Variants in PCCB observed in about 807,000 individuals in gnomAD.
PCCB encodes propionyl-CoA carboxylase beta chain, mitochondrial.
A neutral mutation model predicts 60.7 loss-of-function variants in PCCB; 43 were observed. The observed-to-expected ratio is 0.71, with a 90% CI of 0.55 to 0.91. The LOEUF is 0.91. Ranked by LOEUF, PCCB falls within the 40% of genes least tolerant of loss-of-function variation. The pLI, the probability that PCCB is intolerant of heterozygous loss-of-function variation, is 0.00. For synonymous variants in PCCB, 276 were observed against 255.9 expected (o/e 1.08, Z -0.75); for missense variants, 766 against 702.8 (o/e 1.09, Z -1.02).
At chr3:136,299,931 T>G (rs1934178171) in intron 8 of PCCB, among the ~76,000 whole-genome samples, 1 of 151,960 alleles carries the variant, frequency 6.6e-6, no homozygotes, top group African/African-American at 2.4e-5. Context: ...TGCATATGTA[T>G]ATGTATACGC....
At chr3:136,255,704 C>T (rs1406365291) in intron 1 of PCCB, 152 bp from the exon 2 acceptor site, 1 of 736,632 alleles carries the variant, frequency 1.4e-6, no homozygotes, top group Non-Finnish European at 2.5e-6. Context: ...ACTAATAACA[C>T]CTATCTGCCT....
intron 9 of PCCB, among the ~76,000 whole-genome samples, chr3:136,304,527 A>G (rs1934393162): frequency 8.5e-6 from 1 of 117,848 alleles, no homozygotes; most frequent in African/African-American, 2.6e-5. Context: ...GACTACAGGC[A>G]CCCACCACCA....
chr3:136,268,091 T>G (rs1301970012), intron 5 of PCCB, among the ~76,000 whole-genome samples: 1,531 of 49,614 alleles, frequency 0.031, 32 homozygotes, highest in Middle Eastern at 0.075. Context: ...TGTGTAGATA[T>G]ATATATATAT....
At chr3:136,273,586 T>C in intron 5 of PCCB, among the ~76,000 whole-genome samples, 1 of 133,770 alleles carries the variant, frequency 7.5e-6, no homozygotes, top group Non-Finnish European at 1.6e-5. Context: ...TTCTTTTTTT[T>C]TTTCTTTTTT....
chr3:136,275,555 G>C (rs1490162178), intron 5 of PCCB, among the ~76,000 whole-genome samples: 1 of 151,966 alleles, frequency 6.6e-6, no homozygotes, highest in Non-Finnish European at 1.5e-5. Context: ...TTTGTGTAGA[G>C]TATTTCTTCT....
chr3:136,267,944 CTTT>C (rs1190834904), intron 5 of PCCB, among the ~76,000 whole-genome samples: 1 of 103,458 alleles, frequency 9.7e-6, no homozygotes, highest in Non-Finnish European at 2.0e-5. Flanking sequence ...AGGTTTGGCT[CTTT>C]TTTTTTTTTT....
chr3:136,327,292 C>CT (rs1560033991), intron 12 of PCCB, 37 bp downstream of exon 12: 8 of 1,505,994 alleles, frequency 5.3e-6, no homozygotes, highest in Non-Finnish European at 7.4e-6. Flanking sequence ...ACCCTGCTCA[C>CT]TTTCCTACAG....
intron 1 of PCCB, among the ~76,000 whole-genome samples, chr3:136,254,156 G>C (rs1163199588): frequency 6.6e-6 from 1 of 151,854 alleles, no homozygotes; most frequent in African/African-American, 2.4e-5. Context: ...GGAAGGGGAC[G>C]GTAGGCTAGG....
At chr3:136,318,189 C>G (rs1305877635) in intron 10 of PCCB, among the ~76,000 whole-genome samples, 5 of 151,948 alleles carry the variant, frequency 3.3e-5, no homozygotes, top group African/African-American at 1.2e-4. Context: ...ATACAAAATA[C>G]AAAAAATGAG....
chr3:136,261,246 TATAAATA>T (rs1370403623), intron 4 of PCCB, among the ~76,000 whole-genome samples: 1 of 152,178 alleles, frequency 6.6e-6, no homozygotes, highest in African/African-American at 2.4e-5. Context: ...GGAATAAAAC[TATAAATA>T]ATAGAGAATT....
At chr3:136,274,466 T>C (rs1388906445) in intron 5 of PCCB, among the ~76,000 whole-genome samples, 2 of 152,222 alleles carry the variant, frequency 1.3e-5, no homozygotes, top group African/African-American at 4.8e-5. Context: ...CCTTCTAGCT[T>C]GTAAGGTTTC....
At chr3:136,299,499 T>A (rs927933348) in intron 8 of PCCB, among the ~76,000 whole-genome samples, 16 of 148,514 alleles carry the variant, frequency 1.1e-4, no homozygotes, top group African/African-American at 3.6e-4. Context: ...TATATGCATG[T>A]GTATGTATAG....
intron 8 of PCCB, among the ~76,000 whole-genome samples, chr3:136,300,163 C>CACATAT (rs1934206790): frequency 7.9e-6 from 1 of 127,002 alleles, no homozygotes; most frequent in Non-Finnish European, 1.7e-5. Flanking sequence ...TACATATATA[C>CACATAT]ACATATGTAT....
intron 5 of PCCB, among the ~76,000 whole-genome samples, chr3:136,272,306 CT>C (rs1211381256): frequency 3.3e-5 from 5 of 151,950 alleles, no homozygotes; most frequent in Non-Finnish European, 5.9e-5. Context: ...ATCAGAGACA[CT>C]GGTCTGTAGT....
chr3:136,282,904 A>G (rs1240887185), intron 5 of PCCB, among the ~76,000 whole-genome samples: 3 of 152,224 alleles, frequency 2.0e-5, no homozygotes, highest in South Asian at 2.1e-4. Flanking sequence ...ACACTTCTCA[A>G]TTTGTTACAT....
chr3:136,260,735 C>G (rs1941799621), intron 4 of PCCB, among the ~76,000 whole-genome samples, 200 bp downstream of exon 4: 1 of 152,184 alleles, frequency 6.6e-6, no homozygotes, highest in Non-Finnish European at 1.5e-5. Context: ...CTGAACCCTC[C>G]TGTTTTTACA....
rs3994953 is a variant in PCCB, at chr3:136,254,518, CTTTTTTTTTTTTTT to C, written c.184-1321_184-1308del. ...TACAGGTGTGAGCCACTGCGGCTAG[CTTTTTTTTTTTTTT>C]TTTTTTTTTTTTTTTTAAAAGACAG... On this transcript the variant is annotated intron_variant, in intron 1 of 14. Transcript: ENST00000251654. Among the ~76,000 whole-genome samples the C allele has an allele frequency of 3.8e-3, 175 of 45,936 alleles. 3 individuals carry two copies. Among genetic ancestry groups the C allele is most frequent in the African/African-American group, 0.014 (158 of 11,298 alleles). 30.1% of individuals were successfully genotyped at this position (45,936 alleles called of 152,430 possible).
intron 9 of PCCB, among the ~76,000 whole-genome samples, chr3:136,312,820 C>A (rs1399852355): frequency 6.6e-6 from 1 of 152,014 alleles, no homozygotes; most frequent in Non-Finnish European, 1.5e-5. Flanking sequence ...CAAAAGGCAA[C>A]CAATATGCTA....
intron 3 of PCCB, among the ~76,000 whole-genome samples, chr3:136,257,870 T>A (rs1037900967): frequency 2.6e-5 from 4 of 152,030 alleles, no homozygotes; most frequent in African/African-American, 9.7e-5. Context: ...GAGGCGGAGG[T>A]TGCAGTGAGC....
Sources: gnomAD v4.1 joint callset for allele counts (sites outside exome capture counted in the v4.1 genomes callset) on GRCh38, gnomAD v4.1.1 for gene constraint, MANE v1.5 for transcripts, NCBI Gene and HGNC (gene_info 2026-07-23, HGNC 2026-07-21) for gene names.